Variants in PSMB7 observed in about 807,000 individuals in gnomAD.
The protein encoded by PSMB7 is proteasome subunit beta type-7.
Under a neutral mutation model 28.1 loss-of-function variants are expected in PSMB7, and 5 were observed. That is an observed-to-expected ratio of 0.18 (90% confidence interval 0.09 to 0.37). The LOEUF (loss-of-function observed/expected upper bound fraction) is 0.37, where lower values mean the gene tolerates loss of function less well. PSMB7 is among the 10% of genes least tolerant of loss of function. The pLI, the probability that PSMB7 is intolerant of heterozygous loss-of-function variation, is 1.00. For missense variants in PSMB7, 275 were observed against 346.2 expected, an observed-to-expected ratio of 0.79 and a Z score of 1.63; for synonymous variants, 122 against 123.7, an observed-to-expected ratio of 0.99 and a Z score of 0.09.
chr9:124,355,662 G>T (rs1830396731), intron 7 of PSMB7, among the ~76,000 whole-genome samples: 3 of 152,200 alleles, frequency 2.0e-5, no homozygotes, highest in Non-Finnish European at 4.4e-5. Flanking sequence ...TCCTGCTAAA[G>T]GCCCGAGGGA....
At chr9:124,409,356 G>A (rs1332660847) in intron 4 of PSMB7, among the ~76,000 whole-genome samples, 1 of 152,114 alleles carries the variant, frequency 6.6e-6, no homozygotes, top group African/African-American at 2.4e-5. Context: ...GAGTCTCTAC[G>A]TATTCAAGTA....
At position 124,356,534 on chromosome 9, in the gene PSMB7, G is replaced by T. The variant is rs1471783971; in HGVS notation, c.722+230C>A. Reference sequence around the variant, plus strand: ...ACCTCCCAGCCTAGGGCTCTTTCCTGGGCCACCCTCCACCTCTCCCATCAA... The same window carrying T: ...ACCTCCCAGCCTAGGGCTCTTTCCTTGGCCACCCTCCACCTCTCCCATCAA... On this transcript the variant is annotated intron_variant, in intron 7 of 7. Transcript: ENST00000259457. This position sits in a 1 kb window ranked among gnomAD's most constrained non-coding sequence, Gnocchi z 4.4. Among the ~76,000 whole-genome samples the T allele has an allele frequency of 6.6e-6, 1 of 152,122 alleles. No individual in the cohort carries two copies. The highest frequency in any genetic ancestry group is 2.4e-5 in the African/African-American group (1 of 41,418).
At chr9:124,410,491 G>A (rs1831018106) in intron 4 of PSMB7, among the ~76,000 whole-genome samples, 1 of 152,120 alleles carries the variant, frequency 6.6e-6, no homozygotes, top group Non-Finnish European at 1.5e-5. Context: ...TATATATAAT[G>A]TACCAAGCAA....
chr9:124,378,708 A>G (rs1830636856), intron 6 of PSMB7, among the ~76,000 whole-genome samples: 1 of 152,258 alleles, frequency 6.6e-6, no homozygotes. Flanking sequence ...TTACAAAGAA[A>G]TAGAATAGAA....
chr9:124,414,596 G>A, intron 2 of PSMB7, among the ~76,000 whole-genome samples: 1 of 143,388 alleles, frequency 7.0e-6, no homozygotes, highest in Non-Finnish European at 1.5e-5. Context: ...TAATTAAGAA[G>A]CTAACTGACC....
Position 124,413,387 on chromosome 9 carries a change from A to G in PSMB7, c.254+521T>C, listed in dbSNP as rs1420839056. On this transcript the variant is annotated intron_variant, in intron 3 of 7. Transcript: ENST00000259457. ...ACGCTTGAAGGGTAGGCTTTCTATG[A>G]GACTGTGCAAGGCCACAGAATTTTG... is the stretch of plus-strand genomic sequence containing the variant. Among the ~76,000 whole-genome samples, 3 of 151,970 alleles carry G rather than the reference A, an allele frequency of 2.0e-5. No individual in the cohort carries two copies. The East Asian group carries it at 5.8e-4, about 30-fold the overall frequency.
Position 124,356,829 on chromosome 9 carries a change from G to A in PSMB7, c.657C>T (p.Cys219=), listed in dbSNP as rs772721178. 4 of 1,613,970 alleles carry A rather than the reference G, an allele frequency of 2.5e-6. No individual in the cohort carries two copies. The highest frequency in any genetic ancestry group is 4.5e-5 in the East Asian group (2 of 44,888). Residue 219 remains cysteine, a synonymous_variant, in exon 7 of 8, where the codon TGC becomes TGT. Transcript: ENST00000259457. This position sits in a 1 kb window ranked among gnomAD's most constrained non-coding sequence, Gnocchi z 4.4. ...AATCCAGCTTGTTCTTGCTGATGAC[G>A]CAGAGGTCAATGTTGCTTCCGGAGC... The part of the protein sequence containing the change: ...DLGSGSNIDL[C]VISKNKLDFL...
intron 5 of PSMB7, among the ~76,000 whole-genome samples, chr9:124,402,156 G>A (rs1000916066): frequency 6.6e-6 from 1 of 152,208 alleles, no homozygotes; most frequent in African/African-American, 2.4e-5. Context: ...AAACCAGTCT[G>A]TGTGGAGTCA....
At chr9:124,354,779 G>A (rs1000072534) in intron 7 of PSMB7, among the ~76,000 whole-genome samples, 5 of 152,310 alleles carry the variant, frequency 3.3e-5, no homozygotes, top group East Asian at 3.9e-4. Flanking sequence ...TGGTGGCAGC[G>A]TGCAGTCTTA....
chr9:124,361,180 G>A (rs1564675368), intron 6 of PSMB7, among the ~76,000 whole-genome samples: 1 of 152,148 alleles, frequency 6.6e-6, no homozygotes, highest in Non-Finnish European at 1.5e-5. Context: ...CAGTCCCCCG[G>A]GCCACCCCTG....
intron 5 of PSMB7, among the ~76,000 whole-genome samples, chr9:124,394,635 A>G (rs1361875040): frequency 1.3e-5 from 2 of 152,234 alleles, no homozygotes; most frequent in African/African-American, 2.4e-5. Context: ...CATTTTGTCT[A>G]TAAAAGGTGT....
In PSMB7 at chr9:124,356,963, T is replaced by C; in HGVS notation, c.571-48A>G. ...TAATGTCCCCGGCCAAACTAGGGCC[T>C]GCTCTGACATCCGCAATGTACGTCC... On this transcript the variant is annotated intron_variant, in intron 6 of 7. Coordinates refer to ENST00000259457, the MANE Select transcript of PSMB7 (RefSeq NM_002799.4). This position sits in a 1 kb window ranked among gnomAD's most constrained non-coding sequence, Gnocchi z 4.4. The C allele has an allele frequency of 1.2e-6, 2 of 1,608,198 alleles. No individual in the cohort carries two copies. The highest frequency in any genetic ancestry group is 1.1e-5 in the South Asian group (1 of 90,484).
At chr9:124,385,393 A>G (rs1830708946) in intron 5 of PSMB7, among the ~76,000 whole-genome samples, 2 of 152,258 alleles carry the variant, frequency 1.3e-5, no homozygotes, top group Admixed American at 1.3e-4. Context: ...GTAGGACGTA[A>G]AGCCATTACA....
intron 5 of PSMB7, among the ~76,000 whole-genome samples, chr9:124,392,731 CA>C (rs763371490): frequency 2.0e-5 from 3 of 152,132 alleles, no homozygotes; most frequent in Admixed American, 2.0e-4. Flanking sequence ...ATTTCTTTCT[CA>C]AAGTCATGAA....
intron 4 of PSMB7, among the ~76,000 whole-genome samples, chr9:124,409,629 G>C (rs1045053172): frequency 9.2e-5 from 14 of 152,194 alleles, no homozygotes; most frequent in Non-Finnish European, 1.8e-4. Context: ...CTCTTTTTCA[G>C]ACTGAATTTT....
chr9:124,358,327 T>C (rs1054558852), intron 6 of PSMB7, among the ~76,000 whole-genome samples: 1 of 152,220 alleles, frequency 6.6e-6, no homozygotes, highest in Non-Finnish European at 1.5e-5. Context: ...AAGGTTCTGC[T>C]GGAAGTGGGC....
At chr9:124,398,221 T>C (rs1830861644) in intron 5 of PSMB7, among the ~76,000 whole-genome samples, 1 of 149,484 alleles carries the variant, frequency 6.7e-6, no homozygotes. Context: ...TCTCTCTCAA[T>C]ACCCAACTCC....
chr9:124,375,378 G>C (rs1037580830), intron 6 of PSMB7, among the ~76,000 whole-genome samples: 2 of 152,058 alleles, frequency 1.3e-5, no homozygotes, highest in African/African-American at 4.8e-5. Flanking sequence ...TGCCCAGGCT[G>C]GTCTCAAACT....
At chr9:124,396,367 A>G (rs1022911988) in intron 5 of PSMB7, among the ~76,000 whole-genome samples, 15 of 152,150 alleles carry the variant, frequency 9.9e-5, no homozygotes, top group African/African-American at 3.4e-4. Context: ...TAGCGTAACG[A>G]TGGCAAATCT....
Sources: gnomAD v4.1 joint callset for allele counts (sites outside exome capture counted in the v4.1 genomes callset) on GRCh38, gnomAD v4.1.1 for gene constraint, Gnocchi (gnomAD v3.1) non-coding constraint, MANE v1.5 for transcripts, NCBI Gene and HGNC (gene_info 2026-07-23, HGNC 2026-07-21) for gene names.